Variants in SAMD12 observed in about 807,000 individuals in gnomAD.
SAMD12 encodes sterile alpha motif domain containing 12, also known as sterile alpha motif domain-containing protein 12.
Under a neutral mutation model 15.0 loss-of-function variants are expected in SAMD12, and 9 were observed. The ratio of observed to expected loss-of-function variants is 0.60; its 90% CI spans 0.36 to 1.05. SAMD12 has a LOEUF of 1.05. Ranked by LOEUF, SAMD12 falls within the 50% of genes least tolerant of loss-of-function variation. The pLI, the probability that SAMD12 is intolerant of heterozygous loss-of-function variation, is 0.01. For missense variants in SAMD12, 230 were observed against 234.2 expected (o/e 0.98, Z 0.12); for synonymous variants, 86 against 90.1 (o/e 0.96, Z 0.25).
chr8:118,348,834 A>G (rs1050146886), intron 4 of SAMD12, among the ~76,000 whole-genome samples: 2 of 152,228 alleles, frequency 1.3e-5, no homozygotes, highest in African/African-American at 4.8e-5. Flanking sequence ...AGGGAACCAG[A>G]ACAGTCCCAA....
intron 3 of SAMD12, among the ~76,000 whole-genome samples, chr8:118,401,640 G>T (rs79634541): frequency 0.01 from 1,550 of 150,572 alleles, 26 homozygotes; most frequent in African/African-American, 0.037. Flanking sequence ...CTCCCAAAAT[G>T]CTGGGATTAC....
intron 4 of SAMD12, among the ~76,000 whole-genome samples, chr8:118,328,958 A>G (rs1311853616): frequency 9.2e-5 from 14 of 152,188 alleles, no homozygotes; most frequent in Non-Finnish European, 2.9e-5. Flanking sequence ...GCTTCTCCTC[A>G]GCGCTAAAGT....
At position 118,580,726 on chromosome 8, in the gene SAMD12, C is replaced by T; in HGVS notation, c.181G>A (p.Glu61Lys). ...GGAATATTACGCACCTTAGCCGTCT[C>T]AGCTTCTGCCTGCAGTCGCTTGGGA... ...GTPKRLQAEA[E>K]TAKSATVKLS... The change falls in exon 2 of 4, where the codon GAG becomes AAG. Residue 61 changes from glutamate to lysine, a missense_variant. Coordinates refer to ENST00000314727, the MANE Select transcript of SAMD12 (RefSeq NM_207506.3). The T allele has an allele frequency of 1.2e-6, 2 of 1,612,626 alleles. No homozygotes were observed. Among genetic ancestry groups the T allele is most frequent in the Non-Finnish European group, 1.7e-6 (2 of 1,178,998 alleles).
At chr8:118,144,400 A>T in the SAMD12 span, among the ~76,000 whole-genome samples, 7 of 152,192 alleles carry the variant, frequency 4.6e-5, 1 homozygote, top group African/African-American at 1.7e-4. Context: ...CCACTGAGAG[A>T]GTTCATGGGG....
intron 4 of SAMD12, among the ~76,000 whole-genome samples, chr8:118,370,054 T>G (rs1182221589): frequency 1.3e-5 from 2 of 151,866 alleles, no homozygotes; most frequent in African/African-American, 2.4e-5. Context: ...ATAAGGAACT[T>G]AAACAAATTT....
chr8:118,554,769 GT>G (rs1271797433), intron 2 of SAMD12, among the ~76,000 whole-genome samples: 1 of 151,946 alleles, frequency 6.6e-6, no homozygotes, highest in African/African-American at 2.4e-5. Context: ...CGCCCAATCA[GT>G]TGAAGGCCTC....
the SAMD12 span, among the ~76,000 whole-genome samples, chr8:118,140,428 T>G: frequency 6.6e-6 from 1 of 152,054 alleles, no homozygotes; most frequent in Admixed American, 6.6e-5. Flanking sequence ...TATGCCACCA[T>G]GCCTAGCTAA....
intron 3 of SAMD12, among the ~76,000 whole-genome samples, chr8:118,434,666 A>T (rs1038146040): frequency 4.6e-5 from 7 of 152,238 alleles, no homozygotes; most frequent in African/African-American, 1.7e-4. Context: ...TCAGCATTCC[A>T]GGCCAGGCCT....
At chr8:118,330,075 C>T (rs1483835013) in intron 4 of SAMD12, among the ~76,000 whole-genome samples, 1 of 151,730 alleles carries the variant, frequency 6.6e-6, no homozygotes, top group Non-Finnish European at 1.5e-5. Context: ...TTTTCTCTAA[C>T]CCAATTGTCA....
intron 2 of SAMD12, among the ~76,000 whole-genome samples, chr8:118,478,159 A>G (rs986189046): frequency 2.6e-5 from 4 of 152,208 alleles, no homozygotes; most frequent in Non-Finnish European, 5.9e-5. Context: ...AATTAATTTA[A>G]TAAACTATTT....
At chr8:118,521,165 C>T (rs117227081) in intron 2 of SAMD12, among the ~76,000 whole-genome samples, 2,669 of 152,268 alleles carry the variant, frequency 0.018, 40 homozygotes, top group Middle Eastern at 0.051. Flanking sequence ...TCCCTCTCTC[C>T]GTTCTATTTG....
At chr8:118,354,317 A>G (rs1293664903) in intron 4 of SAMD12, among the ~76,000 whole-genome samples, 1 of 152,226 alleles carries the variant, frequency 6.6e-6, no homozygotes, top group East Asian at 1.9e-4. Context: ...AATGGTCTAG[A>G]TTCTAGAACC....
At chr8:118,328,587 G>T (rs1424075590) in intron 4 of SAMD12, among the ~76,000 whole-genome samples, 4 of 152,168 alleles carry the variant, frequency 2.6e-5, no homozygotes, top group African/African-American at 9.6e-5. Context: ...ACAAAAATAT[G>T]ATGAATGACT....
intron 2 of SAMD12, among the ~76,000 whole-genome samples, chr8:118,487,608 A>T (rs76005779): frequency 6.6e-6 from 1 of 152,206 alleles, no homozygotes; most frequent in Non-Finnish European, 1.5e-5. Context: ...CTTTAACCTA[A>T]TAAGTATTAT....
At position 118,286,801 on chromosome 8, in the gene SAMD12, A is replaced by AAC. The variant is rs200973495; in HGVS notation, c.434-89071_434-89070dup. ...AGGTTTGGAGAAGTCAGGTTAAGGA[A>AAC]ACAGTTTAAACGCCCACCACAGCAT... On this transcript the variant is annotated intron_variant, in intron 4 of 4. Transcript: ENST00000409003. 6.6e-3 allele frequency among the ~76,000 whole-genome samples: 1,009 copies of AAC among 152,286 alleles called. 14 individuals are homozygous for AAC. The highest frequency in any genetic ancestry group is 0.023 in the African/African-American group (962 of 41,556).
chr8:118,183,572 C>A, the SAMD12 span, among the ~76,000 whole-genome samples: 1 of 151,986 alleles, frequency 6.6e-6, no homozygotes, highest in East Asian at 1.9e-4. Flanking sequence ...GTTTCCCAGT[C>A]AGAAATAACT....
chr8:118,418,284 C>A lies in SAMD12; in HGVS notation c.322+21548G>T, dbSNP rs552994073. ...CAGTCTTTTCTACTGATGCCTTTTA[C>A]AAGAAACAGAGTAGACCTGTTTGTA... On this transcript the variant is annotated intron_variant, in intron 3 of 3. Coordinates refer to ENST00000314727, the MANE Select transcript of SAMD12 (RefSeq NM_207506.3). Among the ~76,000 whole-genome samples, 13 of 152,320 alleles carry A rather than the reference C, an allele frequency of 8.5e-5. No homozygotes were observed. The South Asian group carries it at 2.5e-3, about 29-fold the overall frequency.
chr8:118,317,993 A>G (rs1334890768), intron 4 of SAMD12, among the ~76,000 whole-genome samples: 4 of 152,148 alleles, frequency 2.6e-5, no homozygotes, highest in African/African-American at 9.7e-5. Context: ...TAAAATTACA[A>G]TGAGATACTA....
chr8:118,416,286 GTTATTA>G (rs1019404931), intron 3 of SAMD12, among the ~76,000 whole-genome samples: 1 of 152,120 alleles, frequency 6.6e-6, no homozygotes, highest in Non-Finnish European at 1.5e-5. Flanking sequence ...ATTAACTATT[GTTATTA>G]TTATTAACTA....
Sources: gnomAD v4.1 joint callset for allele counts (sites outside exome capture counted in the v4.1 genomes callset) on GRCh38, gnomAD v4.1.1 for gene constraint, MANE v1.5 for transcripts, NCBI Gene and HGNC (gene_info 2026-07-23, HGNC 2026-07-21) for gene names.